TMEM63A: variants seen among roughly 807,000 people sequenced by gnomAD.
TMEM63A encodes mechanosensitive cation channel TMEM63A.
Under a neutral mutation model 100.6 loss-of-function variants are expected in TMEM63A, and 76 were observed. The ratio of observed to expected loss-of-function variants is 0.76; its 90% CI spans 0.63 to 0.91. The LOEUF is 0.91. TMEM63A is among the 40% of genes least tolerant of loss of function. TMEM63A has a pLI of 0.00. For missense variants in TMEM63A, 876 were observed against 1,008.8 expected (o/e 0.87, Z 1.78); for synonymous variants, 401 against 401.1 (o/e 1.00, Z 0.00).
At chr1:225,873,460 G>A (rs1670621772) in intron 4 of TMEM63A, among the ~76,000 whole-genome samples, 1 of 152,080 alleles carries the variant, frequency 6.6e-6, no homozygotes, top group Non-Finnish European at 1.5e-5. Context: ...TGGAGGGTCT[G>A]CCAGAGCCCC....
chr1:225,853,552 G>T lies in TMEM63A; in HGVS notation c.1797+77C>A. ...GCTACCCACTAGTGGGGGTAGTGGG[G>T]GTGAGAGGCCCTCGGGTCAGTGAAG... is the stretch of plus-strand genomic sequence containing the variant. On this transcript the variant is annotated intron_variant, in intron 19 of 24. Transcript: ENST00000366835. This position sits in a 1 kb window ranked among gnomAD's most constrained non-coding sequence, Gnocchi z 4.0. 2 of 1,393,002 alleles carry T rather than the reference G, an allele frequency of 1.4e-6. No individual in the cohort carries two copies. Among genetic ancestry groups the T allele is most frequent in the Non-Finnish European group, 1.9e-6 (2 of 1,045,946 alleles). 86.3% of individuals were successfully genotyped at this position (1,393,002 alleles called of 1,614,324 possible). A position where few individuals can be genotyped will look rare whatever the true frequency, so the allele number is the denominator to read the frequency against.
intron 6 of TMEM63A, among the ~76,000 whole-genome samples, chr1:225,870,371 A>G (rs79487654): frequency 0.15 from 21,941 of 148,340 alleles, 1,774 homozygotes; most frequent in Admixed American, 0.22. Context: ...AAAAACATGC[A>G]TCTTACAACA....
chr1:225,849,843 TCTGA>T, intron 21 of TMEM63A, 65 bp downstream of exon 21: 1 of 1,563,462 alleles, frequency 6.4e-7, no homozygotes, highest in Non-Finnish European at 8.7e-7. Context: ...CAATGAGGGA[TCTGA>T]CTGGCTGGTG....
downstream of TMEM63A, chr1:225,845,099 G>T: frequency 6.2e-7 from 1 of 1,602,796 alleles, no homozygotes; most frequent in Non-Finnish European, 8.5e-7. Context: ...AGGACGGAGG[G>T]GCGCAGGGCC....
chr1:225,850,218 A>ATCCTGCACCTCTGGCTACTAGTTTT, intron 20 of TMEM63A, 139 bp from the exon 21 acceptor site: 1 of 929,988 alleles, frequency 1.1e-6, no homozygotes, highest in South Asian at 1.7e-5. Flanking sequence ...AAAATGAGGC[A>ATCCTGCACCTCTGGCTACTAGTTTT]TCCTGCACCT....
intron 20 of TMEM63A, among the ~76,000 whole-genome samples, chr1:225,850,593 C>T (rs1254632618): frequency 6.6e-6 from 1 of 152,176 alleles, no homozygotes; most frequent in Non-Finnish European, 1.5e-5. Context: ...TTACTCGAGA[C>T]CTTTGTCATT....
rs1670235654 is a variant in TMEM63A at position 225,866,738 on chromosome 1, T to A, written c.567-56A>T. 19 of 1,545,722 alleles carry A rather than the reference T, an allele frequency of 1.2e-5. 1 individual carries two copies. The South Asian group carries it at 1.9e-4, about 16-fold the overall frequency. ...GGGATCCCAGGCAGGGAGCTGGGGGTGCAGAGCTGGGGCCTGGTTACCCTC... is the reference window on the plus strand; with the variant it reads ...GGGATCCCAGGCAGGGAGCTGGGGGAGCAGAGCTGGGGCCTGGTTACCCTC... On this transcript the variant is annotated intron_variant, in intron 8 of 24. Transcript: ENST00000366835.
chr1:225,865,821 G>C lies in TMEM63A; in HGVS notation c.746+76C>G. The C allele has an allele frequency of 9.4e-6, 14 of 1,496,612 alleles. No homozygotes were observed. The South Asian group carries it at 1.6e-4, about 17-fold the overall frequency. The allele number at this position is 1,496,612 out of a possible 1,614,324, so 92.7% of individuals were successfully genotyped here. A position where few individuals can be genotyped will look rare whatever the true frequency, so the allele number is the denominator to read the frequency against. ...GAGAGACAGAAGGCGCTCACCTAAG[G>C]TGCTCGCCCTGCGGGTGGGGCTGTG... On this transcript the variant is annotated intron_variant, in intron 10 of 24. Coordinates refer to ENST00000366835, the MANE Select transcript of TMEM63A (RefSeq NM_014698.3). This position sits in a 1 kb window ranked among gnomAD's most constrained non-coding sequence, Gnocchi z 4.6.
intron 10 of TMEM63A, chr1:225,863,066 T>G (rs960623054): frequency 2.5e-5 from 14 of 560,668 alleles, no homozygotes; most frequent in Non-Finnish European, 4.2e-5. Flanking sequence ...TGTTTTGTTT[T>G]GTTTAGAGAC....
At chr1:225,869,134 G>A (rs926197031) in intron 6 of TMEM63A, among the ~76,000 whole-genome samples, 2 of 152,196 alleles carry the variant, frequency 1.3e-5, no homozygotes, top group African/African-American at 2.4e-5. Context: ...CCAGCGCAGC[G>A]GCCTCCACCT....
At chr1:225,874,878 G>A (rs779314591) in intron 3 of TMEM63A, among the ~76,000 whole-genome samples, 3 of 152,150 alleles carry the variant, frequency 2.0e-5, no homozygotes, top group Admixed American at 6.5e-5. Flanking sequence ...GGGACTACAG[G>A]TGCCCGCCAC....
Position 225,865,459 on chromosome 1 carries a change from C to A in TMEM63A, c.746+438G>T, listed in dbSNP as rs1281160810. 1.2e-5 allele frequency: 2 copies of A among 160,302 alleles called. No homozygotes were observed. Among genetic ancestry groups the A allele is most frequent in the Admixed American group, 6.0e-5 (1 of 16,542 alleles). 9.9% of individuals were successfully genotyped at this position (160,302 alleles called of 1,614,324 possible). A position where few individuals can be genotyped will look rare whatever the true frequency, so the allele number is the denominator to read the frequency against. ...AACAGACACCCGCTCAGTGGGTGGA[C>A]AAACGAACAAACGCAGAGATGGCCC... On this transcript the variant is annotated intron_variant, in intron 10 of 24. Transcript: ENST00000366835. The surrounding 1 kb of genome is among the most constrained non-coding windows in gnomAD (Gnocchi z 4.6).
chr1:225,877,278 A>C, intron 3 of TMEM63A, 117 bp downstream of exon 3: 1 of 1,160,954 alleles, frequency 8.6e-7, no homozygotes, highest in Non-Finnish European at 1.2e-6. Context: ...TAAGCAGCAG[A>C]GTTGAGATTT....
intron 21 of TMEM63A, among the ~76,000 whole-genome samples, chr1:225,849,708 G>C (rs1669226624): frequency 6.6e-6 from 1 of 152,154 alleles, no homozygotes; most frequent in Admixed American, 6.5e-5. Context: ...CTCACTCTGG[G>C]CACCACATTC....
chr1:225,848,683 G>T lies in TMEM63A; in HGVS notation c.2188-129C>A, dbSNP rs530801254. On this transcript the variant is annotated intron_variant, in intron 22 of 24. Transcript: ENST00000366835. ...CTGGCACCAAGCTCCCCAGCAGCCC[G>T]AGAGAGGATGGGGTGGGGGAGTGCA... The T allele has an allele frequency of 2.1e-4, 216 of 1,041,948 alleles. 2 individuals are homozygous for T. In the South Asian group the frequency reaches 3.0e-3, roughly 14 times the overall value. The allele number at this position is 1,041,948 out of a possible 1,614,324, so 64.5% of individuals were successfully genotyped here.
chr1:225,856,954 A>G lies in TMEM63A; in HGVS notation c.1441T>C (p.Ser481Pro), dbSNP rs186710219. Residue 481 changes from serine to proline, a missense_variant, in exon 16 of 25, where the codon TCC (serine) becomes CCC (proline). Ser to Pro is a moderately conservative substitution (Grantham distance 74). Transcript: ENST00000366835. ...AGCAGTGTAGAGTAGTAGACAATGG[A>G]GGGGAGCAGGGCCGAGAAGGACCAG... Reference protein sequence around the residue: ...LLWSFSALLPSIVYYSTLLES... With the variant: ...LLWSFSALLPPIVYYSTLLES... 1.1e-5 allele frequency: 18 copies of G among 1,603,870 alleles called. 1 individual carries two copies. In the East Asian group the frequency reaches 4.0e-4, roughly 36 times the overall value.
At chr1:225,881,557 C>A (rs958984703) in intron 1 of TMEM63A, among the ~76,000 whole-genome samples, 3 of 152,148 alleles carry the variant, frequency 2.0e-5, no homozygotes, top group Admixed American at 6.5e-5. Flanking sequence ...GGAAAAGGAG[C>A]CTCGGCTTCC....
chr1:225,841,541 C>T (rs1668413418), downstream of TMEM63A, among the ~76,000 whole-genome samples: 1 of 151,670 alleles, frequency 6.6e-6, no homozygotes, highest in Non-Finnish European at 1.5e-5. Context: ...GCCTCGGCCT[C>T]CCAAAGTGCT....
At chr1:225,866,715 G>C (rs751892414) in intron 8 of TMEM63A, 33 bp from the exon 9 acceptor site, 1 of 1,604,094 alleles carries the variant, frequency 6.2e-7, no homozygotes, top group African/African-American at 1.3e-5. Flanking sequence ...TCAGGGCTGG[G>C]ATCCCAGGCA....
Sources: allele counts gnomAD v4.1 joint callset (sites outside exome capture counted in the v4.1 genomes callset), GRCh38; gene constraint gnomAD v4.1.1; non-coding constraint Gnocchi (gnomAD v3.1); transcripts MANE v1.5; gene names NCBI Gene and HGNC (gene_info 2026-07-23, HGNC 2026-07-21).